NDRG2: variants seen among roughly 807,000 people sequenced by gnomAD.
The protein encoded by NDRG2 is NDRG family member 2, also known as protein NDRG2.
Under a neutral mutation model 58.2 loss-of-function variants are expected in NDRG2, and 34 were observed. That is an observed-to-expected ratio of 0.58 (90% CI 0.44 to 0.78). The LOEUF (loss-of-function observed/expected upper bound fraction) is 0.78. Among genes scored for constraint, NDRG2 ranks in the 30% least tolerant of loss-of-function variants. NDRG2 has a pLI of 0.00. For synonymous variants in NDRG2, 187 were observed against 175.9 expected, an observed-to-expected ratio of 1.06 and a Z score of -0.50; for missense variants, 434 against 471.2, an observed-to-expected ratio of 0.92 and a Z score of 0.73.
In NDRG2 at chr14:21,024,926, C is replaced by A. The variant is rs1358513703; in HGVS notation, c.-903G>T. The A allele has an allele frequency of 1.0e-6, 1 of 985,632 alleles. No individual in the cohort carries two copies. Among genetic ancestry groups the A allele is most frequent in the Middle Eastern group, 5.2e-4 (1 of 1,916 alleles). The allele number at this position is 985,632 out of a possible 1,614,324, so 61.1% of individuals were successfully genotyped here. Reference sequence around the variant, plus strand: ...AGCGCCCGCTCCGTGCTGGCCCTTTCCCCCGAGCCTCCAGCTCCAGGGGAC... The same window carrying A: ...AGCGCCCGCTCCGTGCTGGCCCTTTACCCCGAGCCTCCAGCTCCAGGGGAC... On this transcript the variant is annotated 5_prime_UTR_variant, in exon 1 of 16. Coordinates refer to ENST00000556147, the MANE Select transcript of NDRG2 (RefSeq NM_001320329.2).
chr14:21,037,893 G>C (rs1884722346), intron 1 of NDRG2, among the ~76,000 whole-genome samples: 1 of 152,144 alleles, frequency 6.6e-6, no homozygotes, highest in Non-Finnish European at 1.5e-5. Context: ...CCTCCCCAAT[G>C]GTAAGCATTT....
upstream of NDRG2, among the ~76,000 whole-genome samples, chr14:21,026,060 C>A (rs935186699): frequency 3.3e-5 from 5 of 151,972 alleles, no homozygotes; most frequent in Non-Finnish European, 5.9e-5. Context: ...CCCGCTGAAT[C>A]GCAATGCCCG....
chr14:21,034,173 T>G (rs780229036), intron 1 of NDRG2: 1 of 1,614,052 alleles, frequency 6.2e-7, no homozygotes, highest in East Asian at 2.2e-5. Flanking sequence ...AACCCTGGGA[T>G]AGTCAATGCT....
chr14:21,020,405 G>T, intron 8 of NDRG2, 91 bp downstream of exon 8: 1 of 986,006 alleles, frequency 1.0e-6, no homozygotes, highest in South Asian at 1.4e-5. Context: ...GAAGTTCAGA[G>T]TCCATCCAGT....
intron 15 of NDRG2, 88 bp downstream of exon 15, chr14:21,017,899 G>A (rs1159974136): frequency 2.1e-5 from 34 of 1,606,764 alleles, no homozygotes; most frequent in East Asian, 1.6e-4. Flanking sequence ...GGCAGATAGC[G>A]GTGAGTCCAG....
intron 6 of NDRG2, chr14:21,021,159 C>T (rs1417945427): frequency 1.9e-6 from 1 of 520,048 alleles, no homozygotes; most frequent in Admixed American, 2.3e-5. Flanking sequence ...TCTCAATTTT[C>T]AAGAGCCAGT....
chr14:21,049,723 C>T (rs1213099811), intron 1 of NDRG2, among the ~76,000 whole-genome samples: 1 of 151,198 alleles, frequency 6.6e-6, no homozygotes, highest in East Asian at 1.9e-4. Flanking sequence ...GTGATATTTA[C>T]AAAGTGGCAT....
rs768988182 is a variant in NDRG2 at position 21,020,794 on chromosome 14, G to A, written c.458C>T (p.Ala153Val). ...CTTTTTATTTCTTACAGCATATCTC[G>A]CCAGGATGTAGGCTCCAGCTCCAAC... ...VGVGAGAYILARYALNHPDTV... is the reference protein window; with the variant it reads ...VGVGAGAYILVRYALNHPDTV... The change falls in exon 7 of 16, where the codon GCG becomes GTG. Residue 153 changes from alanine (A) to valine (V), a missense_variant. Coordinates refer to ENST00000556147, the MANE Select transcript of NDRG2 (RefSeq NM_001320329.2). The A allele has an allele frequency of 6.8e-6, 11 of 1,613,790 alleles. No homozygotes were observed. The highest frequency in any genetic ancestry group is 1.7e-4 in the Middle Eastern group (1 of 6,060).
At chr14:21,057,702 C>T (rs1885741373) in intron 1 of NDRG2, 2 of 553,578 alleles carry the variant, frequency 3.6e-6, no homozygotes, top group East Asian at 2.9e-5. Context: ...TTATTAGAGG[C>T]ACAAAAAGGC....
chr14:21,062,708 A>AGTGTGTGTGTGTGTGTGTGT (rs71416997), intron 1 of NDRG2, among the ~76,000 whole-genome samples: 2,597 of 130,970 alleles, frequency 0.02, 50 homozygotes, highest in South Asian at 0.04. Flanking sequence ...GGCTGGGCAC[A>AGTGTGTGTGTGTGTGTGTGT]GTGTGTGTGT....
At position 21,070,369 on chromosome 14, in the gene NDRG2, A is replaced by T; in HGVS notation, c.24+459T>A. On this transcript the variant is annotated intron_variant, in intron 1 of 14. Transcript: ENST00000403829. The surrounding 1 kb of genome is among the most constrained non-coding windows in gnomAD (Gnocchi z 4.7). ...GCGCCCGGCCCCGCCCGCCCGACCA[A>T]GCGTCGGACGCGGCCCGGCGCCGAG... The T allele has an allele frequency of 7.1e-7, 1 of 1,408,478 alleles. No homozygotes were observed. Among genetic ancestry groups the T allele is most frequent in the Non-Finnish European group, 9.2e-7 (1 of 1,089,168 alleles). The allele number at this position is 1,408,478 out of a possible 1,614,324, so 87.2% of individuals were successfully genotyped here.
In NDRG2 at chr14:21,019,809, A is replaced by T. The variant is rs903307746; in HGVS notation, c.613-67T>A. On this transcript the variant is annotated intron_variant, in intron 9 of 15. Transcript: ENST00000556147. ...AAAACAACAATTACTGGAGGAAAAG[A>T]GGTAAGCCTTCTTCCTTCCCCAAAT... The T allele has an allele frequency of 3.5e-5, 52 of 1,505,318 alleles. No individual in the cohort carries two copies. The African/African-American group carries it at 6.6e-4, about 19-fold the overall frequency. The allele number at this position is 1,505,318 out of a possible 1,614,324, so 93.2% of individuals were successfully genotyped here. A position where few individuals can be genotyped will look rare whatever the true frequency, so the allele number is the denominator to read the frequency against.
At chr14:21,053,392 C>A (rs1052372527) in intron 1 of NDRG2, among the ~76,000 whole-genome samples, 1 of 152,112 alleles carries the variant, frequency 6.6e-6, no homozygotes, top group South Asian at 2.1e-4. Flanking sequence ...CTTGGGGAGG[C>A]CGAGGCAGGT....
At position 21,017,447 on chromosome 14, in the gene NDRG2, T is replaced by G; in HGVS notation, c.*149A>C. ...GGGAATCACGGGTTAAAGGTCAAGG[T>G]TAGGGTAGCAATCAAAGATCAAGGT... is the stretch of plus-strand genomic sequence containing the variant. On this transcript the variant is annotated 3_prime_UTR_variant, in exon 16 of 16. Transcript: ENST00000556147. 1 of 874,034 alleles carries G rather than the reference T, an allele frequency of 1.1e-6. No individual in the cohort carries two copies. Among genetic ancestry groups the G allele is most frequent in the Non-Finnish European group, 1.7e-6 (1 of 575,262 alleles). 54.1% of individuals were successfully genotyped at this position (874,034 alleles called of 1,614,324 possible). A position where few individuals can be genotyped will look rare whatever the true frequency, so the allele number is the denominator to read the frequency against.
intron 1 of NDRG2, among the ~76,000 whole-genome samples, chr14:21,050,618 T>A (rs1183040777): frequency 6.6e-6 from 1 of 152,246 alleles, no homozygotes; most frequent in African/African-American, 2.4e-5. Context: ...CCAATGAGCT[T>A]GGGCTTTCTC....
chr14:21,033,133 AAAAG>A (rs1427445298), intron 1 of NDRG2: 1 of 382,016 alleles, frequency 2.6e-6, no homozygotes, highest in Non-Finnish European at 5.1e-6. Flanking sequence ...GACTGGAAGA[AAAAG>A]AGGTTGGAAA....
At chr14:21,025,092 C>A (rs1594456155), upstream of NDRG2, 1 of 985,666 alleles carries the variant, frequency 1.0e-6, no homozygotes, top group Non-Finnish European at 1.2e-6. The surrounding 1 kb of genome is among the most constrained non-coding windows in gnomAD (Gnocchi z 5.1). Context: ...CCGGCTCGGG[C>A]TTCCCGCAGA....
At chr14:21,050,468 C>G (rs548485659) in intron 1 of NDRG2, among the ~76,000 whole-genome samples, 1 of 152,106 alleles carries the variant, frequency 6.6e-6, no homozygotes, top group Non-Finnish European at 1.5e-5. Context: ...TAAGGGTTAC[C>G]ACTTTTTACC....
chr14:21,021,834 G>GC lies in NDRG2; in HGVS notation c.389dup (p.Cys130TrpfsTer29), dbSNP rs1374856959. 6.2e-7 allele frequency: 1 copy of GC among 1,612,962 alleles called. No individual in the cohort carries two copies. The highest frequency in any genetic ancestry group is 8.5e-7 in the Non-Finnish European group (1 of 1,179,552). On this transcript the variant is annotated frameshift_variant, in exon 6 of 16. Transcript: ENST00000556147. LOFTEE classifies it high-confidence loss of function. Reference sequence around the variant, plus strand: ...CCTCTCACTTTAGGTACTGCAGGACGCAAGGGATCATGTCTGCAAGCTGGT... The same window carrying GC: ...CCTCTCACTTTAGGTACTGCAGGACGCCAAGGGATCATGTCTGCAAGCTGGT...
Sources: allele counts gnomAD v4.1 joint callset (sites outside exome capture counted in the v4.1 genomes callset), GRCh38; gene constraint gnomAD v4.1.1; non-coding constraint Gnocchi (gnomAD v3.1); transcripts MANE v1.5; gene names NCBI Gene and HGNC (gene_info 2026-07-23, HGNC 2026-07-21).